The following RANBP3 variants were observed in gnomAD, a reference collection of about 807,000 sequenced individuals.
The protein encoded by RANBP3 is RAN binding protein 3.
In RANBP3, 14 loss-of-function variants were observed where a neutral mutation model predicts 77.3. The ratio of observed to expected loss-of-function variants is 0.18; its 90% confidence interval spans 0.12 to 0.28. RANBP3 has a LOEUF of 0.28. Among genes scored for constraint, RANBP3 ranks in the 10% least tolerant of loss-of-function variants. The pLI is 1.00. For missense variants in RANBP3, 586 were observed against 752.3 expected (o/e 0.78, Z 2.59); for synonymous variants, 315 against 312.4 (o/e 1.01, Z -0.09).
At chr19:5,929,634 G>T (rs375251142) in intron 8 of RANBP3, among the ~76,000 whole-genome samples, 23 of 152,328 alleles carry the variant, frequency 1.5e-4, no homozygotes, top group African/African-American at 5.1e-4. Flanking sequence ...GACGGTACCA[G>T]GAGTTCCCCC....
intron 1 of RANBP3, among the ~76,000 whole-genome samples, chr19:5,972,749 C>A (rs2058545238): frequency 6.6e-6 from 1 of 152,118 alleles, no homozygotes; most frequent in African/African-American, 2.4e-5. Flanking sequence ...AGAATTCAAC[C>A]CCCCTTCTCC....
chr19:5,940,978 C>T (rs1004822585), intron 5 of RANBP3, among the ~76,000 whole-genome samples: 1 of 152,236 alleles, frequency 6.6e-6, no homozygotes. Flanking sequence ...GTCCCCAGGC[C>T]GACCTCCAGG....
At chr19:5,932,234 A>T (rs28676824) in intron 7 of RANBP3, among the ~76,000 whole-genome samples, 1 of 152,162 alleles carries the variant, frequency 6.6e-6, no homozygotes, top group African/African-American at 2.4e-5. Context: ...GCTGTGAGGA[A>T]GCTGTGGAGC....
At chr19:5,923,499 C>G (rs2057855249) in intron 12 of RANBP3, among the ~76,000 whole-genome samples, 196 bp from the exon 13 acceptor site, 1 of 152,176 alleles carries the variant, frequency 6.6e-6, no homozygotes, top group Non-Finnish European at 1.5e-5. Flanking sequence ...GGGAGACCAT[C>G]TGGGGGCCAA....
chr19:5,925,867 G>A, intron 9 of RANBP3, 130 bp from the exon 10 acceptor site: 1 of 706,952 alleles, frequency 1.4e-6, no homozygotes, highest in Non-Finnish European at 2.5e-6. Context: ...GTACCCGCCT[G>A]TGTGTGTGCG....
At chr19:5,968,330 C>T (rs7254500) in intron 1 of RANBP3, among the ~76,000 whole-genome samples, 5,931 of 152,258 alleles carry the variant, frequency 0.039, 132 homozygotes, top group South Asian at 0.067. Context: ...CACTTACTTG[C>T]GGTTGGGATC....
intron 1 of RANBP3, among the ~76,000 whole-genome samples, chr19:5,964,206 A>G (rs1328499454): frequency 6.6e-6 from 1 of 152,168 alleles, no homozygotes; most frequent in Non-Finnish European, 1.5e-5. Context: ...CGATGAGCAC[A>G]GACAGGCTAA....
chr19:5,951,054 AAG>A (rs965281835), intron 3 of RANBP3, among the ~76,000 whole-genome samples: 1 of 152,162 alleles, frequency 6.6e-6, no homozygotes, highest in African/African-American at 2.4e-5. Context: ...GGAAAAATGG[AAG>A]GAGGGTGAAG....
At chr19:5,938,130 G>A (rs1162854111) in intron 5 of RANBP3, among the ~76,000 whole-genome samples, 2 of 152,194 alleles carry the variant, frequency 1.3e-5, no homozygotes, top group East Asian at 3.8e-4. Flanking sequence ...AATGCTGAGA[G>A]TTATAAGAAC....
chr19:5,932,572 G>GC, intron 6 of RANBP3, 28 bp from the exon 7 acceptor site: 2 of 1,591,300 alleles, frequency 1.3e-6, no homozygotes, highest in Non-Finnish European at 1.7e-6. Context: ...CCTTCCCAGT[G>GC]CCCGTGGACC....
intron 3 of RANBP3, among the ~76,000 whole-genome samples, chr19:5,949,615 T>A (rs1379291123): frequency 6.6e-6 from 1 of 152,190 alleles, no homozygotes; most frequent in Admixed American, 6.5e-5. Flanking sequence ...ATCCTGGCTC[T>A]CCCACGGTGC....
intron 3 of RANBP3, among the ~76,000 whole-genome samples, chr19:5,948,918 C>T (rs1484859424): frequency 6.6e-6 from 1 of 152,136 alleles, no homozygotes; most frequent in African/African-American, 2.4e-5. Flanking sequence ...AGAACTTAAT[C>T]GGGATGTGGT....
intron 1 of RANBP3, among the ~76,000 whole-genome samples, chr19:5,961,069 C>T (rs942526149): frequency 1.3e-5 from 2 of 152,226 alleles, no homozygotes; most frequent in African/African-American, 4.8e-5. Flanking sequence ...GCCCTCCTTT[C>T]CTTCTCTGCC....
rs979002637 is a variant in RANBP3, at chr19:5,937,103, G to T, written c.407-3624C>A. Reference sequence around the variant, plus strand: ...AAAAAAAGGAAGAAAATCCCATGGGGCAGTCGTCAGCGGGAAACATCACTC... The same window carrying T: ...AAAAAAAGGAAGAAAATCCCATGGGTCAGTCGTCAGCGGGAAACATCACTC... On this transcript the variant is annotated intron_variant, in intron 5 of 16. Transcript: ENST00000340578. Among the ~76,000 whole-genome samples, 9 of 128,566 alleles carry T rather than the reference G, an allele frequency of 7.0e-5. No individual in the cohort carries two copies. In the Admixed American group the frequency reaches 7.6e-4, roughly 11 times the overall value. The allele number at this position is 128,566 out of a possible 152,430, so 84.3% of individuals were successfully genotyped here.
intron 3 of RANBP3, among the ~76,000 whole-genome samples, chr19:5,945,205 C>T (rs965507822): frequency 2.0e-5 from 3 of 152,240 alleles, no homozygotes; most frequent in Non-Finnish European, 2.9e-5. Context: ...TTGCAGGCCA[C>T]GGAGAAGCCG....
In RANBP3 at chr19:5,970,789, C is replaced by T. The variant is rs564235700; in HGVS notation, c.22+7272G>A. 1.2e-4 allele frequency among the ~76,000 whole-genome samples: 18 copies of T among 152,344 alleles called. No homozygotes were observed. In the South Asian group the frequency reaches 2.7e-3, roughly 23 times the overall value. On this transcript the variant is annotated intron_variant, in intron 1 of 16. Transcript: ENST00000340578. ...GTCAATTACCAGAAGTATATTCTCT[C>T]TCACACCACAATCCTCAGACTTGCG...
chr19:5,917,848 C>T lies in RANBP3; in HGVS notation c.1606G>A (p.Glu536Lys). The change falls in exon 16 of 17, where the codon GAG becomes AAG. Residue 536 changes from glutamate to lysine, a missense_variant. Physicochemically the swap from Glu to Lys is moderately conservative, Grantham distance 56. This residue lies in a region of RANBP3 where 128 missense variants were observed against 157.0 expected (regional missense o/e 0.82). Coordinates refer to ENST00000340578, the MANE Select transcript of RANBP3 (RefSeq NM_007322.3). ...PEPGAAPSNEEDDSDDDDVLA... is the reference protein window; with the variant it reads ...PEPGAAPSNEKDDSDDDDVLA... ...ACATCGTCATCGTCGCTGTCGTCCTCCTCGTTGGATGGGGCTGCCCCAGGC... is the reference window on the plus strand; with the variant it reads ...ACATCGTCATCGTCGCTGTCGTCCTTCTCGTTGGATGGGGCTGCCCCAGGC... The T allele has an allele frequency of 3.1e-6, 5 of 1,612,920 alleles. No individual in the cohort carries two copies. The highest frequency in any genetic ancestry group is 4.2e-6 in the Non-Finnish European group (5 of 1,179,908).
intron 14 of RANBP3, among the ~76,000 whole-genome samples, chr19:5,920,146 C>T (rs1002990461): frequency 1.3e-5 from 2 of 152,196 alleles, no homozygotes; most frequent in Admixed American, 6.5e-5. Flanking sequence ...CCTGTAATTC[C>T]AGCGCTTTGG....
chr19:5,957,783 T>A lies in RANBP3; in HGVS notation c.78+135A>T, dbSNP rs772339950. ...TTTCCCTCCAAGCTCAACGTGAAAG[T>A]GTAAAGGCCTCTGCTTAGGTCTCCC... On this transcript the variant is annotated intron_variant, in intron 2 of 16. Transcript: ENST00000340578. The A allele has an allele frequency of 1.5e-5, 13 of 881,784 alleles. No homozygotes were observed. The East Asian group carries it at 3.2e-4, about 21-fold the overall frequency. 54.6% of individuals were successfully genotyped at this position (881,784 alleles called of 1,614,324 possible).
Sources: gnomAD v4.1 joint callset for allele counts (sites outside exome capture counted in the v4.1 genomes callset) on GRCh38, gnomAD v4.1.1 for gene constraint, gnomAD v4.1.1 regional missense constraint, MANE v1.5 for transcripts, NCBI Gene and HGNC (gene_info 2026-07-23, HGNC 2026-07-21) for gene names.